Variants in ASAP1 observed in about 807,000 individuals in gnomAD.
The protein encoded by ASAP1 is ArfGAP with SH3 domain, ankyrin repeat and PH domain 1.
Under a neutral mutation model 145.2 loss-of-function variants are expected in ASAP1, and 43 were observed. That is an observed-to-expected ratio of 0.30 (90% CI 0.23 to 0.38). The LOEUF (loss-of-function observed/expected upper bound fraction) is 0.38, where lower values mean the gene tolerates loss of function less well. Ranked by LOEUF, ASAP1 falls within the 10% of genes least tolerant of loss-of-function variation. The pLI, the probability that ASAP1 is intolerant of heterozygous loss-of-function variation, is 1.00. For missense variants in ASAP1, 1,018 were observed against 1,355.3 expected (o/e 0.75, Z 3.91); for synonymous variants, 546 against 515.5 (o/e 1.06, Z -0.80).
rs1565155008 is a variant in ASAP1, at chr8:130,268,529, AC to A, written c.187-31536del. Among the ~76,000 whole-genome samples, 1,258 of 150,126 alleles carry A rather than the reference AC, an allele frequency of 8.4e-3. 21 individuals are homozygous for A. The highest frequency in any genetic ancestry group is 0.029 in the African/African-American group (1,167 of 40,356). ...CACACACACACACACACACACACAC[AC>A]ACACAACTGTGTAACTATAGAGCAA... is the stretch of plus-strand genomic sequence containing the variant. On this transcript the variant is annotated intron_variant, in intron 3 of 29. Coordinates refer to ENST00000518721, the MANE Select transcript of ASAP1 (RefSeq NM_018482.4).
At position 130,052,612 on chromosome 8, in the gene ASAP1, CA is replaced by C. The variant is rs1159148745; in HGVS notation, c.*2118del. 1 of 143,814 alleles carries C rather than the reference CA, an allele frequency of 7.0e-6. No homozygotes were observed. Among genetic ancestry groups the C allele is most frequent in the Non-Finnish European group, 1.5e-5 (1 of 65,564 alleles). 8.9% of individuals were successfully genotyped at this position (143,814 alleles called of 1,614,324 possible). The stretch of plus-strand genomic sequence containing the variant: ...ATTCCTGATGGAAAACAAAACCGAA[CA>C]AAAAAACTAGAAAAAAAAGGTGTTA... On this transcript the variant is annotated 3_prime_UTR_variant, in exon 30 of 30. Transcript: ENST00000518721.
intron 3 of ASAP1, among the ~76,000 whole-genome samples, chr8:130,276,395 AG>A (rs1224536571): frequency 2.6e-5 from 4 of 152,208 alleles, no homozygotes; most frequent in African/African-American, 9.7e-5. Context: ...AGTGCTAACA[AG>A]GACTGTAACT....
At chr8:130,247,533 A>AAC (rs1818923827) in intron 3 of ASAP1, among the ~76,000 whole-genome samples, 1 of 151,938 alleles carries the variant, frequency 6.6e-6, no homozygotes. Flanking sequence ...CCTTAAAAAA[A>AAC]AACAACAACA....
At chr8:130,202,217 G>C (rs1815912619) in intron 5 of ASAP1, among the ~76,000 whole-genome samples, 1 of 152,216 alleles carries the variant, frequency 6.6e-6, no homozygotes, top group South Asian at 2.1e-4. Context: ...ATATTTCAAA[G>C]CTTCCCTTGC....
intron 3 of ASAP1, among the ~76,000 whole-genome samples, chr8:130,328,573 C>T (rs371093778): frequency 1.3e-5 from 2 of 151,542 alleles, no homozygotes; most frequent in East Asian, 3.9e-4. Context: ...AGACAAAAAG[C>T]TGTAAAAACC....
At chr8:130,378,275 T>C (rs1827597990) in intron 2 of ASAP1, among the ~76,000 whole-genome samples, 1 of 152,216 alleles carries the variant, frequency 6.6e-6, no homozygotes. Flanking sequence ...GCAATTCCTT[T>C]AATAAAGCAA....
intron 4 of ASAP1, among the ~76,000 whole-genome samples, chr8:130,229,084 A>C (rs1817757377): frequency 6.6e-6 from 1 of 152,158 alleles, no homozygotes; most frequent in Non-Finnish European, 1.5e-5. Context: ...TCAACCTCTA[A>C]ATGTTCTGTC....
chr8:130,318,909 T>C (rs2137633054), intron 3 of ASAP1, among the ~76,000 whole-genome samples: 1 of 152,256 alleles, frequency 6.6e-6, no homozygotes, highest in East Asian at 1.9e-4. Context: ...ACTGCAACAC[T>C]GCCCTACTAC....
At chr8:130,285,740 T>C (rs940186137) in intron 3 of ASAP1, among the ~76,000 whole-genome samples, 3 of 152,206 alleles carry the variant, frequency 2.0e-5, no homozygotes, top group African/African-American at 7.2e-5. Flanking sequence ...CTATAGGCAA[T>C]AGCCAGACTT....
intron 1 of ASAP1, among the ~76,000 whole-genome samples, chr8:130,433,369 C>G (rs1206223039): frequency 6.6e-6 from 1 of 152,228 alleles, no homozygotes; most frequent in Admixed American, 6.5e-5. Flanking sequence ...TCTCTCCTCA[C>G]TTAGGGAAAT....
Position 130,276,836 on chromosome 8 carries a change from A to G in ASAP1, c.187-39842T>C, listed in dbSNP as rs567574318. ...AGGTGGAAAGTGTGAGTCAACAGAA[A>G]TTAAGGAACAGAAATAAAGGGACAA... On this transcript the variant is annotated intron_variant, in intron 3 of 29. Coordinates refer to ENST00000518721, the MANE Select transcript of ASAP1 (RefSeq NM_018482.4). 1.6e-4 allele frequency among the ~76,000 whole-genome samples: 24 copies of G among 151,984 alleles called. No homozygotes were observed. The South Asian group carries it at 2.7e-3, about 17-fold the overall frequency.
chr8:130,162,903 G>A (rs1033805979), intron 11 of ASAP1: 1 of 152,076 alleles, frequency 6.6e-6, no homozygotes, highest in Admixed American at 6.6e-5. Flanking sequence ...CCCTTGTTAC[G>A]GAACTAGACT....
chr8:130,254,915 A>T (rs1436756190), intron 3 of ASAP1, among the ~76,000 whole-genome samples: 2 of 152,180 alleles, frequency 1.3e-5, no homozygotes, highest in East Asian at 3.9e-4. Context: ...AAAACAAAAT[A>T]ATACCTTATA....
chr8:130,236,527 C>A (rs577624452), intron 4 of ASAP1, among the ~76,000 whole-genome samples: 3 of 152,152 alleles, frequency 2.0e-5, no homozygotes, highest in South Asian at 4.2e-4. Flanking sequence ...CCACAACCAT[C>A]GCCAATATTG....
chr8:130,324,731 C>A (rs368832433), intron 3 of ASAP1, among the ~76,000 whole-genome samples: 1 of 152,340 alleles, frequency 6.6e-6, no homozygotes, highest in African/African-American at 2.4e-5. Flanking sequence ...GTGGTACTTA[C>A]AACTTCATCT....
chr8:130,368,543 A>G (rs1269079136), intron 2 of ASAP1, among the ~76,000 whole-genome samples: 1 of 152,242 alleles, frequency 6.6e-6, no homozygotes, highest in Non-Finnish European at 1.5e-5. Context: ...AGGCTGTCCA[A>G]TCAGAGTATT....
intron 3 of ASAP1, among the ~76,000 whole-genome samples, chr8:130,286,150 T>C (rs1475717049): frequency 6.6e-6 from 1 of 152,216 alleles, no homozygotes; most frequent in Non-Finnish European, 1.5e-5. Context: ...GGCACAGTAA[T>C]CTGCTCAAGT....
rs181907134 is a variant in ASAP1 at position 130,114,359 on chromosome 8, A to C, written c.2172+1269T>G. Among the ~76,000 whole-genome samples the C allele has an allele frequency of 2.6e-3, 396 of 152,342 alleles. 6 individuals are homozygous for C. The highest frequency in any genetic ancestry group is 0.023 in the Admixed American group (345 of 15,300). On this transcript the variant is annotated intron_variant, in intron 23 of 29. Coordinates refer to ENST00000518721, the MANE Select transcript of ASAP1 (RefSeq NM_018482.4). ...TTGTAAACAACTGTAACACAATGGT[A>C]ATTACTTGTGTATCTAAACATAGAA...
At chr8:130,397,222 C>T (rs1828572496) in intron 2 of ASAP1, among the ~76,000 whole-genome samples, 1 of 152,150 alleles carries the variant, frequency 6.6e-6, no homozygotes, top group South Asian at 2.1e-4. Context: ...CTCACTGCAA[C>T]CTCTGCCTCC....
Sources: gnomAD v4.1 joint callset for allele counts (sites outside exome capture counted in the v4.1 genomes callset) on GRCh38, gnomAD v4.1.1 for gene constraint, MANE v1.5 for transcripts, NCBI Gene and HGNC (gene_info 2026-07-23, HGNC 2026-07-21) for gene names.